The following FRZB variants were observed in gnomAD, a reference collection of about 807,000 sequenced individuals.
FRZB encodes secreted frizzled-related protein 3.
Under a neutral mutation model 32.5 loss-of-function variants are expected in FRZB, and 34 were observed. That is an observed-to-expected ratio of 1.05 (90% CI 0.80 to 1.39). The LOEUF (loss-of-function observed/expected upper bound fraction) is 1.39, where lower values mean the gene tolerates loss of function less well. Among genes scored for constraint, FRZB ranks in the 40% most tolerant of loss-of-function variants. FRZB has a pLI of 0.00. For missense variants in FRZB, 423 were observed against 424.8 expected, an observed-to-expected ratio of 1.00 and a Z score of 0.04; for synonymous variants, 170 against 159.2, an observed-to-expected ratio of 1.07 and a Z score of -0.51.
chr2:182,838,242 A>G (rs1695549031), intron 4 of FRZB, among the ~76,000 whole-genome samples, 167 bp downstream of exon 4: 1 of 151,962 alleles, frequency 6.6e-6, no homozygotes, highest in African/African-American at 2.4e-5. Context: ...ACACGCATAC[A>G]CCCATTCCAT....
Position 182,866,545 on chromosome 2 carries a change from C to T in FRZB, c.8G>A (p.Cys3Tyr). MVCGSPGGMLLLR... is the reference protein window; with the variant it reads MVYGSPGGMLLLR... ...CAGCAGCATCCCTCCCGGGCTGCCG[C>T]AGACCATGATCCCGGCAGGATGGGG... Residue 3 changes from cysteine (C) to tyrosine (Y), a missense_variant, in exon 1 of 6, where the codon TGC (cysteine) becomes TAC (tyrosine). Transcript: ENST00000295113. The surrounding 1 kb of genome is among the most constrained non-coding windows in gnomAD (Gnocchi z 4.5). The T allele has an allele frequency of 6.9e-7, 1 of 1,457,208 alleles. No homozygotes were observed. The highest frequency in any genetic ancestry group is 9.0e-7 in the Non-Finnish European group (1 of 1,107,056). 90.3% of individuals were successfully genotyped at this position (1,457,208 alleles called of 1,614,324 possible). A position where few individuals can be genotyped will look rare whatever the true frequency, so the allele number is the denominator to read the frequency against.
chr2:182,835,742 A>G (rs1047281620), intron 5 of FRZB, among the ~76,000 whole-genome samples: 2 of 152,114 alleles, frequency 1.3e-5, no homozygotes, highest in African/African-American at 4.8e-5. Flanking sequence ...GCAAATTCTC[A>G]TTTAGCAGGT....
intron 3 of FRZB, among the ~76,000 whole-genome samples, chr2:182,840,156 G>A (rs1695572142): frequency 6.6e-6 from 1 of 152,052 alleles, no homozygotes; most frequent in Non-Finnish European, 1.5e-5. Flanking sequence ...GGTTTGACTG[G>A]CAAGTGGAGC....
chr2:182,860,408 T>G (rs1260273546), intron 1 of FRZB, among the ~76,000 whole-genome samples: 1 of 152,016 alleles, frequency 6.6e-6, no homozygotes, highest in Non-Finnish European at 1.5e-5. Context: ...ATACTGGAGA[T>G]AAGAGAGACC....
At chr2:182,851,442 G>A (rs930024001) in intron 2 of FRZB, among the ~76,000 whole-genome samples, 2 of 152,170 alleles carry the variant, frequency 1.3e-5, no homozygotes, top group African/African-American at 4.8e-5. Context: ...GATCACCTGA[G>A]ATCAGGAGTT....
Position 182,852,301 on chromosome 2 carries a change from C to T in FRZB, c.526+6485G>A, listed in dbSNP as rs963324726. On this transcript the variant is annotated intron_variant, in intron 2 of 5. Transcript: ENST00000295113. ...TGGCAGCTGCAGTCATCAGGAATCTCCAGTTGCTCAGTGGCCACCAGGCAG... is the reference window on the plus strand; with the variant it reads ...TGGCAGCTGCAGTCATCAGGAATCTTCAGTTGCTCAGTGGCCACCAGGCAG... 4.5e-4 allele frequency among the ~76,000 whole-genome samples: 68 copies of T among 152,228 alleles called. 1 individual carries two copies. Among genetic ancestry groups the T allele is most frequent in the African/African-American group, 1.6e-3 (68 of 41,546 alleles).
intron 3 of FRZB, among the ~76,000 whole-genome samples, chr2:182,839,529 A>G (rs900784229): frequency 3.9e-5 from 6 of 152,012 alleles, no homozygotes; most frequent in African/African-American, 1.4e-4. Flanking sequence ...ATCTCACAAG[A>G]CTTGCTTTAC....
At chr2:182,849,128 G>C (rs1412283230) in intron 2 of FRZB, among the ~76,000 whole-genome samples, 2 of 152,100 alleles carry the variant, frequency 1.3e-5, no homozygotes, top group Non-Finnish European at 2.9e-5. Flanking sequence ...TCGGGAGGCT[G>C]AGGCAGGAGA....
chr2:182,860,829 T>C (rs923755164), intron 1 of FRZB, among the ~76,000 whole-genome samples: 6 of 143,250 alleles, frequency 4.2e-5, no homozygotes, highest in African/African-American at 1.6e-4. Flanking sequence ...ATCACGCCAC[T>C]GCACTCCAGT....
At chr2:182,853,560 C>T (rs189108343) in intron 2 of FRZB, among the ~76,000 whole-genome samples, 1 of 152,200 alleles carries the variant, frequency 6.6e-6, no homozygotes, top group African/African-American at 2.4e-5. Flanking sequence ...AGTAACAAAA[C>T]AATTCTAAAA....
intron 2 of FRZB, among the ~76,000 whole-genome samples, chr2:182,849,330 A>G (rs1413287173): frequency 6.6e-6 from 1 of 152,134 alleles, no homozygotes. Context: ...ACATTTGTCA[A>G]AATTTAAATG....
chr2:182,840,285 G>A (rs867440910), intron 3 of FRZB, among the ~76,000 whole-genome samples: 6 of 152,060 alleles, frequency 3.9e-5, no homozygotes, highest in East Asian at 1.9e-4. Context: ...AGGCATTTTT[G>A]TGTGTCCTGG....
chr2:182,855,831 C>A (rs1319492459), intron 2 of FRZB, among the ~76,000 whole-genome samples: 1 of 151,882 alleles, frequency 6.6e-6, no homozygotes, highest in African/African-American at 2.4e-5. Context: ...GGAATCAATG[C>A]CCAGACATGT....
At chr2:182,848,844 T>C (rs1486643105) in intron 2 of FRZB, among the ~76,000 whole-genome samples, 1 of 152,198 alleles carries the variant, frequency 6.6e-6, no homozygotes, top group Admixed American at 6.5e-5. Context: ...TACGTGAAGC[T>C]GAATAACGAC....
At position 182,866,473 on chromosome 2, in the gene FRZB, A is replaced by G. The variant is rs368260657; in HGVS notation, c.80T>C (p.Val27Ala). ...ACAGGCTGCAGCCCGAGCCCCGGGC[A>G]CCCGGAGCAGGCAGAGAGCAGCCAG... ...LALAALCLLR[V>A]PGARAAACEP... The change falls in exon 1 of 6, where the codon GTG becomes GCG. Residue 27 changes from valine (V) to alanine (A), a missense_variant. Val to Ala is a moderately conservative substitution (Grantham distance 64). Coordinates refer to ENST00000295113, the MANE Select transcript of FRZB (RefSeq NM_001463.4). The surrounding 1 kb of genome is among the most constrained non-coding windows in gnomAD (Gnocchi z 4.5). 2 of 1,560,746 alleles carry G rather than the reference A, an allele frequency of 1.3e-6. No homozygotes were observed. Among genetic ancestry groups the G allele is most frequent in the South Asian group, 2.4e-5 (2 of 83,342 alleles).
chr2:182,842,390 C>T, intron 3 of FRZB, 88 bp downstream of exon 3: 1 of 910,854 alleles, frequency 1.1e-6, no homozygotes, highest in Non-Finnish European at 1.8e-6. Flanking sequence ...AATGGCTCCA[C>T]TCGTTTACAT....
At chr2:182,865,575 T>C (rs1383986989) in intron 1 of FRZB, among the ~76,000 whole-genome samples, 1 of 152,194 alleles carries the variant, frequency 6.6e-6, no homozygotes, top group Non-Finnish European at 1.5e-5. Flanking sequence ...CATTTTTAAT[T>C]AGAAGAAAAT....
chr2:182,841,450 A>T (rs991675600), intron 3 of FRZB, among the ~76,000 whole-genome samples: 4 of 152,146 alleles, frequency 2.6e-5, no homozygotes, highest in Non-Finnish European at 5.9e-5. Context: ...ACATAAATGT[A>T]ATAATAAAAC....
Position 182,837,834 on chromosome 2 carries a change from T to G in FRZB, c.861+114A>C, listed in dbSNP as rs1695544242. The G allele has an allele frequency of 7.9e-6, 6 of 756,956 alleles. No individual in the cohort carries two copies. In the South Asian group the frequency reaches 9.9e-5, roughly 13 times the overall value. The allele number at this position is 756,956 out of a possible 1,614,324, so 46.9% of individuals were successfully genotyped here. Reference sequence around the variant, plus strand: ...GTATATAAATATATGCATACTAAATTTTAATATTTCTCATATGGTTGAAGG... The same window carrying G: ...GTATATAAATATATGCATACTAAATGTTAATATTTCTCATATGGTTGAAGG... On this transcript the variant is annotated intron_variant, in intron 5 of 5. Coordinates refer to ENST00000295113, the MANE Select transcript of FRZB (RefSeq NM_001463.4).
Sources: allele counts gnomAD v4.1 joint callset (sites outside exome capture counted in the v4.1 genomes callset), GRCh38; gene constraint gnomAD v4.1.1; non-coding constraint Gnocchi (gnomAD v3.1); transcripts MANE v1.5; gene names NCBI Gene and HGNC (gene_info 2026-07-23, HGNC 2026-07-21).